DST: variants seen among roughly 807,000 people sequenced by gnomAD.
DST encodes the protein dystonin.
DST carries 253 observed loss-of-function variants against 875.2 expected under a neutral mutation model. The observed-to-expected ratio is 0.29, with a 90% CI of 0.26 to 0.32. The LOEUF is 0.32. DST is among the 10% of genes least tolerant of loss of function. DST has a pLI of 1.00. For synonymous variants in DST, 3,124 were observed against 3,197.1 expected, an observed-to-expected ratio of 0.98 and a Z score of 0.77; for missense variants, 8,287 against 9,111.6, an observed-to-expected ratio of 0.91 and a Z score of 3.68.
intron 4 of DST, among the ~76,000 whole-genome samples, chr6:56,746,333 A>T (rs1394247301): frequency 6.6e-6 from 1 of 152,190 alleles, no homozygotes; most frequent in Non-Finnish European, 1.5e-5. Context: ...TGTAACTTAA[A>T]ATCCATATAC....
intron 3 of DST, chr6:56,871,177 G>T: frequency 1.4e-6 from 1 of 732,100 alleles, no homozygotes; most frequent in Non-Finnish European, 2.5e-6. Flanking sequence ...AGTGGCCTGA[G>T]GTAGTCTGTG....
chr6:56,865,851 G>A (rs1326264840), intron 3 of DST, among the ~76,000 whole-genome samples: 1 of 152,100 alleles, frequency 6.6e-6, no homozygotes, highest in Non-Finnish European at 1.5e-5. Context: ...CATTTCTAAG[G>A]CACAGGGAGA....
chr6:56,924,918 T>C lies in DST; in HGVS notation c.217-24297A>G, dbSNP rs77376093. On this transcript the variant is annotated intron_variant, in intron 2 of 103. Transcript: ENST00000680361. ...TCTCATTCACAGTAAAAATTCAAAATAGGCTTAATTAGAGGCCACTTTCCT... is the reference window on the plus strand; with the variant it reads ...TCTCATTCACAGTAAAAATTCAAAACAGGCTTAATTAGAGGCCACTTTCCT... Among the ~76,000 whole-genome samples the C allele has an allele frequency of 1.1e-4, 16 of 152,246 alleles. No individual in the cohort carries two copies. In the East Asian group the frequency reaches 3.1e-3, roughly 29 times the overall value.
intron 45 of DST, among the ~76,000 whole-genome samples, chr6:56,599,485 A>G (rs560489920): frequency 6.6e-6 from 1 of 152,240 alleles, no homozygotes; most frequent in South Asian, 2.1e-4. Context: ...ATAATGTAAC[A>G]AAGTGTGACC....
intron 9 of DST, among the ~76,000 whole-genome samples, chr6:56,690,513 C>G (rs893702610): frequency 6.6e-6 from 1 of 152,102 alleles, no homozygotes; most frequent in Non-Finnish European, 1.5e-5. Context: ...TGATGAATGT[C>G]ACAGGACTAG....
intron 4 of DST, among the ~76,000 whole-genome samples, chr6:56,776,965 A>T (rs542371375): frequency 6.6e-6 from 1 of 152,320 alleles, no homozygotes; most frequent in East Asian, 1.9e-4. Context: ...GCTTAATTTG[A>T]AATTTTAACA....
At position 56,528,917 on chromosome 6, in the gene DST, T is replaced by C; in HGVS notation, c.17604A>G (p.Gln5868=). The change falls in exon 67 of 104, where the codon CAA becomes CAG. Residue 5868 remains glutamine (Q), a synonymous_variant. Coordinates refer to ENST00000680361, the MANE Select transcript of DST (RefSeq NM_001374736.1). ...TTTGTTTCCTGAGTAAGATGTCCTC[T>C]TGCAGAACCTGAAAACACAGGTACC... The part of the protein sequence containing the change: ...WKQQSELRVL[Q]EDILLRKQNV... 2 of 1,580,162 alleles carry C rather than the reference T, an allele frequency of 1.3e-6. No individual in the cohort carries two copies. Among genetic ancestry groups the C allele is most frequent in the Non-Finnish European group, 1.7e-6 (2 of 1,160,444 alleles).
chr6:56,723,320 T>A (rs193124324), intron 5 of DST, among the ~76,000 whole-genome samples: 1 of 151,996 alleles, frequency 6.6e-6, no homozygotes, highest in Non-Finnish European at 1.5e-5. Context: ...ATCCCAGCAC[T>A]TTGGGAGGCT....
chr6:56,485,194 T>A, intron 88 of DST, 118 bp downstream of exon 88: 4 of 1,128,160 alleles, frequency 3.5e-6, no homozygotes, highest in Non-Finnish European at 5.2e-6. Context: ...CAATAAAGAC[T>A]GTTATGTAGT....
intron 22 of DST, 21 bp downstream of exon 22, chr6:56,639,238 C>A (rs1310755843): frequency 6.4e-7 from 1 of 1,573,608 alleles, no homozygotes; most frequent in South Asian, 1.1e-5. Context: ...CAACCAACAC[C>A]ATTACACTTT....
intron 87 of DST, among the ~76,000 whole-genome samples, chr6:56,486,190 C>T (rs993080274): frequency 6.6e-6 from 1 of 151,554 alleles, no homozygotes; most frequent in Non-Finnish European, 1.5e-5. Flanking sequence ...GGTGAAACCC[C>T]GTCTCTACTA....
At chr6:56,534,800 A>G (rs2096964775) in intron 63 of DST, among the ~76,000 whole-genome samples, 1 of 151,942 alleles carries the variant, frequency 6.6e-6, no homozygotes, top group Admixed American at 6.6e-5. Context: ...TGCTTTATTC[A>G]TCACTTGCTA....
intron 3 of DST, among the ~76,000 whole-genome samples, chr6:56,879,850 C>T (rs769336808): frequency 6.6e-6 from 1 of 152,224 alleles, no homozygotes; most frequent in Non-Finnish European, 1.5e-5. Context: ...TTTAAACTCA[C>T]ATTAGGCTGT....
Position 56,608,850 on chromosome 6 carries a change from A to G in DST, c.5778T>C (p.Ser1926=). The G allele has an allele frequency of 1.2e-6, 2 of 1,613,266 alleles. No homozygotes were observed. Among genetic ancestry groups the G allele is most frequent in the Non-Finnish European group, 1.7e-6 (2 of 1,179,570 alleles). The change falls in exon 40 of 104, where the codon TCT becomes TCC. Residue 1926 remains serine, a synonymous_variant. Coordinates refer to ENST00000680361, the MANE Select transcript of DST (RefSeq NM_001374736.1). ...CCATATCTATTAAAGAAACCTTCTCAGAGGTGCAGGGGTCAATAAGATCTT... is the reference window on the plus strand; with the variant it reads ...CCATATCTATTAAAGAAACCTTCTCGGAGGTGCAGGGGTCAATAAGATCTT... ...MCKDLIDPCT[S]EKVSLIDMVQ... is the part of the protein sequence containing the mutation.
At chr6:56,823,193 G>A (rs1035767046) in intron 4 of DST, among the ~76,000 whole-genome samples, 1 of 152,100 alleles carries the variant, frequency 6.6e-6, no homozygotes, top group African/African-American at 2.4e-5. Context: ...AAATTTCTAA[G>A]TAAGTCTGTC....
chr6:56,591,290 G>T (rs952006076), intron 49 of DST, among the ~76,000 whole-genome samples: 3 of 152,200 alleles, frequency 2.0e-5, no homozygotes, highest in Non-Finnish European at 4.4e-5. Flanking sequence ...TGAAAGAGCA[G>T]GTGGACTTTT....
At chr6:56,804,319 G>C (rs1457735304) in intron 4 of DST, among the ~76,000 whole-genome samples, 1 of 151,888 alleles carries the variant, frequency 6.6e-6, no homozygotes, top group Non-Finnish European at 1.5e-5. Context: ...ACAGTTCTAG[G>C]AAAAGCTGTC....
intron 100 of DST, 185 bp from the exon 101 acceptor site, chr6:56,463,949 T>A: frequency 1.4e-6 from 1 of 724,774 alleles, no homozygotes; most frequent in Admixed American, 2.0e-5. Context: ...TACAATGCAT[T>A]CCTTTTGGAT....
chr6:56,754,971 C>G (rs924535347), intron 4 of DST, among the ~76,000 whole-genome samples: 6 of 152,030 alleles, frequency 3.9e-5, no homozygotes, highest in Admixed American at 3.3e-4. Flanking sequence ...ATTATCCCTT[C>G]TATTTCACTA....
Sources: gnomAD v4.1 joint callset for allele counts (sites outside exome capture counted in the v4.1 genomes callset) on GRCh38, gnomAD v4.1.1 for gene constraint, MANE v1.5 for transcripts, NCBI Gene and HGNC (gene_info 2026-07-23, HGNC 2026-07-21) for gene names.